GALNT3: variants seen among roughly 807,000 people sequenced by gnomAD.
The protein encoded by GALNT3 is GalNAc transferase 3.
Under a neutral mutation model 69.8 loss-of-function variants are expected in GALNT3, and 51 were observed. That is an observed-to-expected ratio of 0.73 (90% CI 0.58 to 0.92). The LOEUF is 0.92. GALNT3 is among the 40% of genes least tolerant of loss of function. The pLI, the probability that GALNT3 is intolerant of heterozygous loss-of-function variation, is 0.00. For missense variants in GALNT3, 711 were observed against 760.0 expected (o/e 0.94, Z 0.76); for synonymous variants, 265 against 248.5 (o/e 1.07, Z -0.63).
chr2:165,751,961 G>A (rs933172815), intron 9 of GALNT3, among the ~76,000 whole-genome samples: 7 of 152,088 alleles, frequency 4.6e-5, no homozygotes, highest in African/African-American at 1.2e-4. Flanking sequence ...AGCTGTGTTA[G>A]GGTAACAAAA....
chr2:165,757,669 C>A (rs987922609), intron 6 of GALNT3, among the ~76,000 whole-genome samples: 1 of 152,100 alleles, frequency 6.6e-6, no homozygotes, highest in African/African-American at 2.4e-5. Flanking sequence ...TGGACTCAGA[C>A]CCTATTTATC....
At chr2:165,757,438 G>A (rs1688465801) in intron 6 of GALNT3, among the ~76,000 whole-genome samples, 191 bp from the exon 7 acceptor site, 1 of 152,166 alleles carries the variant, frequency 6.6e-6, no homozygotes, top group South Asian at 2.1e-4. Flanking sequence ...AAATGGCATA[G>A]ACACTAAAGA....
At chr2:165,793,266 A>T (rs1051606525) in intron 1 of GALNT3, among the ~76,000 whole-genome samples, 1 of 152,190 alleles carries the variant, frequency 6.6e-6, no homozygotes, top group African/African-American at 2.4e-5. Flanking sequence ...CGCGATATGC[A>T]GGTCCTTAAG....
At chr2:165,756,976 G>T in intron 7 of GALNT3, 71 bp downstream of exon 7, 2 of 1,181,318 alleles carry the variant, frequency 1.7e-6, no homozygotes, top group Non-Finnish European at 2.5e-6. Flanking sequence ...TACTTGAGAT[G>T]AATCGACGCA....
intron 7 of GALNT3, among the ~76,000 whole-genome samples, chr2:165,755,774 C>G (rs1219979383): frequency 1.3e-5 from 2 of 152,158 alleles, no homozygotes; most frequent in Non-Finnish European, 2.9e-5. Flanking sequence ...AAAGTAAATA[C>G]TCAATCTTAT....
At chr2:165,783,021 T>A (rs1683144916) in intron 1 of GALNT3, among the ~76,000 whole-genome samples, 1 of 152,184 alleles carries the variant, frequency 6.6e-6, no homozygotes, top group Non-Finnish European at 1.5e-5. Flanking sequence ...CAAGCCAATG[T>A]TTTCTGATAC....
Position 165,748,721 on chromosome 2 carries a change from G to A in GALNT3, c.*60C>T. On this transcript the variant is annotated 3_prime_UTR_variant, in exon 11 of 11. Coordinates refer to ENST00000392701, the MANE Select transcript of GALNT3 (RefSeq NM_004482.4). ...ATAATTTTCAAAAACTACAGTGTAT[G>A]CCTAGTCACAGTTTTATGAGAAAGA... The A allele has an allele frequency of 6.8e-7, 1 of 1,479,322 alleles. No individual in the cohort carries two copies. The allele number at this position is 1,479,322 out of a possible 1,614,324, so 91.6% of individuals were successfully genotyped here. A position where few individuals can be genotyped will look rare whatever the true frequency, so the allele number is the denominator to read the frequency against.
chr2:165,775,642 A>G (rs912108990), intron 1 of GALNT3, among the ~76,000 whole-genome samples: 2 of 152,200 alleles, frequency 1.3e-5, no homozygotes, highest in Non-Finnish European at 1.5e-5. Context: ...GCTGTCTTCA[A>G]TTCTGGATAT....
chr2:165,776,960 A>C (rs900391999), intron 1 of GALNT3, among the ~76,000 whole-genome samples: 2 of 152,192 alleles, frequency 1.3e-5, no homozygotes, highest in African/African-American at 4.8e-5. Context: ...ATCCATCATG[A>C]TTGTCCCTCT....
intron 1 of GALNT3, among the ~76,000 whole-genome samples, chr2:165,784,692 T>C (rs1366911827): frequency 1.3e-5 from 2 of 152,042 alleles, no homozygotes; most frequent in Non-Finnish European, 2.9e-5. Flanking sequence ...TGCTAGCAGA[T>C]GGAATGCTCT....
At chr2:165,783,450 G>A (rs991946551) in intron 1 of GALNT3, among the ~76,000 whole-genome samples, 3 of 152,140 alleles carry the variant, frequency 2.0e-5, no homozygotes, top group Non-Finnish European at 2.9e-5. Flanking sequence ...TTGCTCAATT[G>A]TTATCATTTT....
chr2:165,749,948 A>G (rs567582522), intron 9 of GALNT3, 54 bp from the exon 10 acceptor site: 3 of 1,459,252 alleles, frequency 2.1e-6, no homozygotes. Flanking sequence ...GCTCAGTTGC[A>G]AAATAAATAA....
At chr2:165,784,300 A>G (rs1443428131) in intron 1 of GALNT3, among the ~76,000 whole-genome samples, 2 of 152,176 alleles carry the variant, frequency 1.3e-5, no homozygotes, top group Non-Finnish European at 2.9e-5. Flanking sequence ...ATGAGAACGG[A>G]AGTTTAGAAT....
intron 1 of GALNT3, among the ~76,000 whole-genome samples, chr2:165,784,348 G>A (rs1322365976): frequency 1.3e-5 from 2 of 152,154 alleles, no homozygotes; most frequent in Non-Finnish European, 2.9e-5. Flanking sequence ...GGAATTTTTG[G>A]GGAGGTAGAA....
At chr2:165,780,687 T>C (rs1683086860) in intron 1 of GALNT3, among the ~76,000 whole-genome samples, 2 of 151,568 alleles carry the variant, frequency 1.3e-5, no homozygotes, top group African/African-American at 2.4e-5. Flanking sequence ...TTTTTTCTTC[T>C]AACAAATGGA....
At position 165,767,381 on chromosome 2, in the gene GALNT3, T is replaced by C. The variant is rs138882738; in HGVS notation, c.516-2325A>G. Among the ~76,000 whole-genome samples the C allele has an allele frequency of 5.7e-3, 862 of 152,244 alleles. 5 individuals are homozygous for C. Among genetic ancestry groups the C allele is most frequent in the Non-Finnish European group, 6.7e-3 (459 of 68,002 alleles). On this transcript the variant is annotated intron_variant, in intron 2 of 10. Transcript: ENST00000392701. The stretch of plus-strand genomic sequence containing the variant: ...TTTGCTATGTGGTTAATTAATATAG[T>C]ATTAATCGATAATTATAAAATGGTT...
chr2:165,776,186 T>C (rs2105425297), intron 1 of GALNT3, among the ~76,000 whole-genome samples: 1 of 152,234 alleles, frequency 6.6e-6, no homozygotes, highest in African/African-American at 2.4e-5. Flanking sequence ...AACCAGGATT[T>C]TTAATGCCTT....
intron 9 of GALNT3, among the ~76,000 whole-genome samples, chr2:165,751,537 A>G (rs1424808399): frequency 6.6e-6 from 1 of 152,222 alleles, no homozygotes; most frequent in East Asian, 1.9e-4. Context: ...CCATTATTAA[A>G]AAGTCATTAA....
At chr2:165,788,049 C>A (rs1353541545) in intron 1 of GALNT3, among the ~76,000 whole-genome samples, 3 of 152,050 alleles carry the variant, frequency 2.0e-5, no homozygotes, top group African/African-American at 7.2e-5. Flanking sequence ...GCAGATTGGG[C>A]CAGGCGCGGT....
Sources: allele counts gnomAD v4.1 joint callset (sites outside exome capture counted in the v4.1 genomes callset), GRCh38; gene constraint gnomAD v4.1.1; transcripts MANE v1.5; gene names NCBI Gene and HGNC (gene_info 2026-07-23, HGNC 2026-07-21).